Variants in CACNA2D3 observed in about 807,000 individuals in gnomAD.
The protein encoded by CACNA2D3 is calcium voltage-gated channel auxiliary subunit alpha2delta 3.
CACNA2D3 carries 60 observed loss-of-function variants against 160.6 expected under a neutral mutation model. The ratio of observed to expected loss-of-function variants is 0.37; its 90% CI spans 0.30 to 0.46. The LOEUF (loss-of-function observed/expected upper bound fraction) is 0.46, where lower values mean the gene tolerates loss of function less well. Ranked by LOEUF, CACNA2D3 falls within the 20% of genes least tolerant of loss-of-function variation. The pLI, the probability that CACNA2D3 is intolerant of heterozygous loss-of-function variation, is 1.00. For missense variants in CACNA2D3, 1,205 were observed against 1,365.0 expected (o/e 0.88, Z 1.85); for synonymous variants, 558 against 492.9 (o/e 1.13, Z -1.75).
At chr3:54,430,852 G>A (rs140359708) in intron 4 of CACNA2D3, among the ~76,000 whole-genome samples, 3 of 152,116 alleles carry the variant, frequency 2.0e-5, no homozygotes, top group African/African-American at 4.8e-5. Context: ...GCTTAGGGGC[G>A]CTGACTCCTG....
chr3:54,574,948 TCCGATGCTTTG>T (rs1430362981), intron 8 of CACNA2D3, among the ~76,000 whole-genome samples: 1 of 152,274 alleles, frequency 6.6e-6, no homozygotes. Flanking sequence ...GAACGGTTTC[TCCGATGCTTTG>T]CCGCTGTGGA....
At chr3:54,307,664 A>G (rs75919940) in intron 2 of CACNA2D3, among the ~76,000 whole-genome samples, 2 of 152,164 alleles carry the variant, frequency 1.3e-5, no homozygotes, top group Admixed American at 6.5e-5. Context: ...ATTCAGATGC[A>G]GGTTCCTAAC....
At chr3:54,629,806 G>A (rs971141740) in intron 10 of CACNA2D3, among the ~76,000 whole-genome samples, 7 of 152,180 alleles carry the variant, frequency 4.6e-5, no homozygotes, top group Non-Finnish European at 8.8e-5. Flanking sequence ...CAAAAACCTA[G>A]TGGCCAGAGC....
At chr3:54,532,083 A>G (rs1159872924) in intron 5 of CACNA2D3, among the ~76,000 whole-genome samples, 2 of 152,008 alleles carry the variant, frequency 1.3e-5, no homozygotes, top group African/African-American at 2.4e-5. Context: ...TGCCCTGCCC[A>G]TTTTCTTTTT....
chr3:55,028,786 A>G (rs1575442520), intron 35 of CACNA2D3, among the ~76,000 whole-genome samples: 2 of 152,298 alleles, frequency 1.3e-5, no homozygotes, highest in Admixed American at 6.5e-5. Flanking sequence ...TTTTTTAGTT[A>G]GTATCACTCA....
At chr3:54,974,908 G>A (rs527937084) in intron 29 of CACNA2D3, among the ~76,000 whole-genome samples, 6 of 152,322 alleles carry the variant, frequency 3.9e-5, no homozygotes, top group Admixed American at 2.6e-4. Flanking sequence ...TAGCACAAGC[G>A]AGGGAAAGCT....
At chr3:54,340,558 A>G (rs1406035394) in intron 3 of CACNA2D3, among the ~76,000 whole-genome samples, 1 of 152,244 alleles carries the variant, frequency 6.6e-6, no homozygotes, top group East Asian at 1.9e-4. Flanking sequence ...GGGAAGCAGA[A>G]AGGTTCATGG....
At chr3:54,359,899 G>T (rs567241707) in intron 3 of CACNA2D3, among the ~76,000 whole-genome samples, 1 of 152,346 alleles carries the variant, frequency 6.6e-6, no homozygotes, top group East Asian at 1.9e-4. Context: ...TTGGCAAAGA[G>T]AGTCATGCTC....
At chr3:54,755,832 T>A (rs1043450584) in intron 12 of CACNA2D3, among the ~76,000 whole-genome samples, 3 of 152,180 alleles carry the variant, frequency 2.0e-5, no homozygotes, top group Admixed American at 1.3e-4. Context: ...TTTAAAAAAA[T>A]TTGCTGTTAT....
chr3:54,327,001 T>A (rs867748836), intron 3 of CACNA2D3, among the ~76,000 whole-genome samples: 90 of 152,184 alleles, frequency 5.9e-4, no homozygotes, highest in African/African-American at 2.1e-3. Flanking sequence ...TAAGGAAATT[T>A]AGAGCAAAAA....
At chr3:54,224,544 A>T (rs1450973371) in intron 2 of CACNA2D3, among the ~76,000 whole-genome samples, 1 of 152,096 alleles carries the variant, frequency 6.6e-6, no homozygotes, top group Non-Finnish European at 1.5e-5. Context: ...TTCCAGCTCC[A>T]TTATAATCTT....
chr3:54,266,098 G>A (rs1446281256), intron 2 of CACNA2D3, among the ~76,000 whole-genome samples: 1 of 152,082 alleles, frequency 6.6e-6, no homozygotes, highest in Non-Finnish European at 1.5e-5. Flanking sequence ...TTAGGTCTAG[G>A]GACTTAAATC....
At chr3:54,256,189 G>T (rs1370510306) in intron 2 of CACNA2D3, among the ~76,000 whole-genome samples, 2 of 152,178 alleles carry the variant, frequency 1.3e-5, no homozygotes, top group Non-Finnish European at 2.9e-5. Flanking sequence ...CACTAGGAAG[G>T]TGTGTGGTGT....
chr3:54,423,676 A>C (rs1699870931), intron 4 of CACNA2D3, among the ~76,000 whole-genome samples: 1 of 152,066 alleles, frequency 6.6e-6, no homozygotes, highest in African/African-American at 2.4e-5. Context: ...CCTGGTTTTG[A>C]ATAAGCCTCT....
chr3:54,476,712 C>G (rs1050670838), intron 4 of CACNA2D3, among the ~76,000 whole-genome samples: 4 of 152,118 alleles, frequency 2.6e-5, no homozygotes, highest in African/African-American at 4.8e-5. Flanking sequence ...GTTCTTTGTT[C>G]AAACGTCTGT....
chr3:54,446,345 C>T (rs551451715), intron 4 of CACNA2D3, among the ~76,000 whole-genome samples: 67 of 152,050 alleles, frequency 4.4e-4, no homozygotes, highest in Non-Finnish European at 7.9e-4. Flanking sequence ...GGAGGACCTC[C>T]CTCTGCACAG....
At chr3:54,874,897 A>T (rs1284726500) in intron 18 of CACNA2D3, 1 of 152,254 alleles carries the variant, frequency 6.6e-6, no homozygotes, top group South Asian at 2.1e-4. Context: ...AGTGCCTTGC[A>T]CATAGTAGCT....
intron 9 of CACNA2D3, among the ~76,000 whole-genome samples, chr3:54,603,036 T>A (rs1360020185): frequency 6.6e-6 from 1 of 152,208 alleles, no homozygotes; most frequent in African/African-American, 2.4e-5. Context: ...TTGTGGGTGG[T>A]CCCTCTCTGT....
intron 2 of CACNA2D3, among the ~76,000 whole-genome samples, chr3:54,156,156 G>T (rs1490509558): frequency 2.6e-5 from 4 of 152,134 alleles, no homozygotes; most frequent in Non-Finnish European, 4.4e-5. Flanking sequence ...TGGTGATCTG[G>T]GTGCAAATAG....
Sources: allele counts gnomAD v4.1 joint callset (sites outside exome capture counted in the v4.1 genomes callset), GRCh38; gene constraint gnomAD v4.1.1; transcripts MANE v1.5; gene names NCBI Gene and HGNC (gene_info 2026-07-23, HGNC 2026-07-21).